Variants in MIOS observed in about 807,000 individuals in gnomAD.
MIOS encodes the protein meiosis regulator for oocyte development, also known as GATOR2 complex protein MIOS.
MIOS carries 52 observed loss-of-function variants against 96.9 expected under a neutral mutation model. The ratio of observed to expected loss-of-function variants is 0.54; its 90% CI spans 0.43 to 0.68. The LOEUF (loss-of-function observed/expected upper bound fraction) is 0.68. Ranked by LOEUF, MIOS falls within the 30% of genes least tolerant of loss-of-function variation. The pLI is 0.00. For synonymous variants in MIOS, 397 were observed against 359.5 expected, an observed-to-expected ratio of 1.10 and a Z score of -1.18; for missense variants, 1,005 against 1,052.8, an observed-to-expected ratio of 0.95 and a Z score of 0.63.
intron 11 of MIOS, among the ~76,000 whole-genome samples, chr7:7,597,975 A>C (rs1784266299): frequency 6.6e-6 from 1 of 152,150 alleles, no homozygotes; most frequent in Non-Finnish European, 1.5e-5. Flanking sequence ...TATATTTTTT[A>C]ATGGTTAGAA....
Position 7,573,183 on chromosome 7 carries a change from C to T in MIOS, c.708C>T (p.Phe236=). 1 of 1,614,066 alleles carries T rather than the reference C, an allele frequency of 6.2e-7. No individual in the cohort carries two copies. Among genetic ancestry groups the T allele is most frequent in the East Asian group, 2.2e-5 (1 of 44,886 alleles). The change falls in exon 4 of 13, where the codon TTC becomes TTT. Residue 236 remains phenylalanine, a synonymous_variant. Transcript: ENST00000340080. The surrounding 1 kb of genome is among the most constrained non-coding windows in gnomAD (Gnocchi z 5.0). ...AGGGTGTGACGGTAGACCCATATTTCCACGATCGTGTTGCTTCCTTCTATG... is the reference window on the plus strand; with the variant it reads ...AGGGTGTGACGGTAGACCCATATTTTCACGATCGTGTTGCTTCCTTCTATG... ...AVQGVTVDPY[F]HDRVASFYEG...
chr7:7,589,982 G>T (rs1358578100), intron 9 of MIOS, among the ~76,000 whole-genome samples: 1 of 152,014 alleles, frequency 6.6e-6, no homozygotes, highest in Non-Finnish European at 1.5e-5. Flanking sequence ...TATCATTGGG[G>T]GTATTTGGGG....
intron 12 of MIOS, 23 bp downstream of exon 12, chr7:7,606,094 G>A (rs770565507): frequency 6.2e-7 from 1 of 1,612,426 alleles, no homozygotes; most frequent in Non-Finnish European, 8.5e-7. Flanking sequence ...TTTCTTCTTT[G>A]ATAGGCTTGG....
intron 5 of MIOS, among the ~76,000 whole-genome samples, chr7:7,578,491 C>G (rs1183467681): frequency 6.6e-6 from 1 of 152,110 alleles, no homozygotes; most frequent in East Asian, 1.9e-4. Flanking sequence ...GACCCTGTCT[C>G]TCTTTTTCTT....
intron 6 of MIOS, among the ~76,000 whole-genome samples, chr7:7,585,325 C>T (rs558635867): frequency 6.6e-6 from 1 of 151,792 alleles, no homozygotes; most frequent in South Asian, 2.1e-4. Context: ...ACAGAGTTTG[C>T]ACACATGGGC....
chr7:7,591,479 C>T (rs1784046837), intron 9 of MIOS, among the ~76,000 whole-genome samples: 1 of 151,706 alleles, frequency 6.6e-6, no homozygotes, highest in East Asian at 1.9e-4. Flanking sequence ...GGGGTTTCAC[C>T]ATGTTGCCCA....
intron 6 of MIOS, among the ~76,000 whole-genome samples, chr7:7,583,611 AT>A (rs1302019364): frequency 6.9e-4 from 105 of 152,328 alleles, no homozygotes; most frequent in Middle Eastern, 3.4e-3. Flanking sequence ...GTATAATATT[AT>A]AAGGAGTGCT....
Position 7,589,491 on chromosome 7 carries a change from T to C in MIOS, c.1971T>C (p.Asp657=), listed in dbSNP as rs1057098198. 31 of 1,613,590 alleles carry C rather than the reference T, an allele frequency of 1.9e-5. No homozygotes were observed. The highest frequency in any genetic ancestry group is 2.6e-5 in the Non-Finnish European group (31 of 1,179,768). ...TTTTGCTTACAGGCCTTACTAAAGA[T>C]GGAGTGGACTTAATGGAGAGTTATG... ...EGILLTGLTK[D]GVDLMESYVD... is the part of the protein sequence containing the mutation. Residue 657 remains aspartate, a synonymous_variant, in exon 9 of 13, where the codon GAT becomes GAC. Transcript: ENST00000340080.
intron 11 of MIOS, among the ~76,000 whole-genome samples, chr7:7,604,053 G>C (rs376027232): frequency 6.6e-6 from 1 of 150,568 alleles, no homozygotes; most frequent in African/African-American, 2.5e-5. Flanking sequence ...ATTACACATC[G>C]GGGACTGTTG....
At chr7:7,598,130 A>G (rs1486459691) in intron 11 of MIOS, among the ~76,000 whole-genome samples, 1 of 152,234 alleles carries the variant, frequency 6.6e-6, no homozygotes, top group Non-Finnish European at 1.5e-5. Flanking sequence ...CACAATTTTC[A>G]ATTAAAATCA....
At chr7:7,574,980 A>G (rs1354933742) in intron 5 of MIOS, among the ~76,000 whole-genome samples, 1 of 152,094 alleles carries the variant, frequency 6.6e-6, no homozygotes, top group Non-Finnish European at 1.5e-5. Context: ...CTGAAATCCA[A>G]AATGCTCCGA....
At chr7:7,575,000 C>T (rs576124004) in intron 5 of MIOS, among the ~76,000 whole-genome samples, 1 of 152,148 alleles carries the variant, frequency 6.6e-6, no homozygotes, top group South Asian at 2.1e-4. Flanking sequence ...ATGAGCATTT[C>T]CTTTGAATAT....
chr7:7,605,751 G>T (rs1331883475), intron 11 of MIOS, 191 bp from the exon 12 acceptor site: 2 of 461,992 alleles, frequency 4.3e-6, no homozygotes, highest in South Asian at 4.8e-5. Flanking sequence ...TTTTATATTG[G>T]CTATTAAAAA....
At chr7:7,576,555 A>G (rs1255645679) in intron 5 of MIOS, among the ~76,000 whole-genome samples, 1 of 152,220 alleles carries the variant, frequency 6.6e-6, no homozygotes, top group Non-Finnish European at 1.5e-5. Context: ...GCACATTATT[A>G]TGGCTGAAAC....
At chr7:7,598,397 C>G (rs929703726) in intron 11 of MIOS, among the ~76,000 whole-genome samples, 2 of 152,002 alleles carry the variant, frequency 1.3e-5, no homozygotes, top group Non-Finnish European at 2.9e-5. Context: ...GATTATTTTT[C>G]CATCTAGATG....
At chr7:7,571,521 T>C (rs1437878865) in intron 3 of MIOS, among the ~76,000 whole-genome samples, 2 of 152,216 alleles carry the variant, frequency 1.3e-5, no homozygotes, top group East Asian at 3.8e-4. Flanking sequence ...TAGCATAGCA[T>C]ACCATGATTC....
At chr7:7,574,503 A>G (rs1783464045) in intron 5 of MIOS, among the ~76,000 whole-genome samples, 1 of 152,138 alleles carries the variant, frequency 6.6e-6, no homozygotes, top group Non-Finnish European at 1.5e-5. Flanking sequence ...GACAATTTAC[A>G]GATTACTGAT....
intron 5 of MIOS, among the ~76,000 whole-genome samples, chr7:7,576,967 G>A (rs1305708650): frequency 2.0e-5 from 3 of 152,318 alleles, no homozygotes; most frequent in Non-Finnish European, 2.9e-5. Flanking sequence ...AACACAGGAA[G>A]AGTATTTGGG....
chr7:7,570,264 T>A (rs997757125), intron 3 of MIOS, among the ~76,000 whole-genome samples: 3 of 152,140 alleles, frequency 2.0e-5, no homozygotes, highest in Non-Finnish European at 4.4e-5. Flanking sequence ...AATAATTGGG[T>A]TGATCTAGGA....
Sources: gnomAD v4.1 joint callset for allele counts (sites outside exome capture counted in the v4.1 genomes callset) on GRCh38, gnomAD v4.1.1 for gene constraint, Gnocchi (gnomAD v3.1) non-coding constraint, MANE v1.5 for transcripts, NCBI Gene and HGNC (gene_info 2026-07-23, HGNC 2026-07-21) for gene names.